Variants in PLA2R1 observed in about 807,000 individuals in gnomAD.
The protein encoded by PLA2R1 is phospholipase A2 receptor 1.
Under a neutral mutation model 195.9 loss-of-function variants are expected in PLA2R1, and 158 were observed. That is an observed-to-expected ratio of 0.81 (90% CI 0.71 to 0.92). PLA2R1 has a LOEUF of 0.92. Ranked by LOEUF, PLA2R1 falls within the 40% of genes least tolerant of loss-of-function variation. PLA2R1 has a pLI of 0.00. For missense variants in PLA2R1, 1,626 were observed against 1,764.6 expected (o/e 0.92, Z 1.41); for synonymous variants, 586 against 598.2 (o/e 0.98, Z 0.30).
At chr2:160,025,554 T>C (rs973494875) in intron 6 of PLA2R1, among the ~76,000 whole-genome samples, 1 of 138,812 alleles carries the variant, frequency 7.2e-6, no homozygotes, top group Non-Finnish European at 1.5e-5. Context: ...CCATTATAAC[T>C]ATGTTTTATG....
rs1326476806 is a variant in PLA2R1 at position 159,955,185 on chromosome 2, C to G, written c.3301+14G>C. On this transcript the variant is annotated intron_variant, in intron 23 of 29. Transcript: ENST00000283243. Reference sequence around the variant, plus strand: ...TTTGGAAATGAAAGGAATAAAAACCCAAATATTTCTTACCTTGCATTTTTT... The same window carrying G: ...TTTGGAAATGAAAGGAATAAAAACCGAAATATTTCTTACCTTGCATTTTTT... 5.0e-6 allele frequency: 8 copies of G among 1,591,548 alleles called. No homozygotes were observed. In the African/African-American group the frequency reaches 1.1e-4, roughly 22 times the overall value.
intron 1 of PLA2R1, among the ~76,000 whole-genome samples, chr2:160,052,924 C>A (rs1311743374): frequency 1.6e-5 from 2 of 124,446 alleles, no homozygotes; most frequent in East Asian, 6.7e-4. Context: ...TGTTAAAAAA[C>A]AAACAAAAAA....
chr2:160,015,983 A>G (rs2667041), intron 9 of PLA2R1, among the ~76,000 whole-genome samples: 110,304 of 152,154 alleles, frequency 0.72, 40,452 homozygotes, highest in East Asian at 0.87. Context: ...GAAAACCATA[A>G]GTCAGGCACA....
In PLA2R1 at chr2:160,028,401, G is replaced by A. The variant is rs1163973129; in HGVS notation, c.956-40C>T. On this transcript the variant is annotated intron_variant, in intron 5 of 29. Transcript: ENST00000283243. ...AGTGTCTTTAATATTAGAAGCAAAA[G>A]CAGTTAGTTTAATATATATTGAAAT... The A allele has an allele frequency of 2.0e-6, 3 of 1,478,938 alleles. No individual in the cohort carries two copies. The Admixed American group carries it at 5.3e-5, about 26-fold the overall frequency. 91.6% of individuals were successfully genotyped at this position (1,478,938 alleles called of 1,614,324 possible). A position where few individuals can be genotyped will look rare whatever the true frequency, so the allele number is the denominator to read the frequency against.
chr2:160,044,925 C>A lies in PLA2R1; in HGVS notation c.342G>T (p.Arg114=). The A allele has an allele frequency of 2.5e-6, 4 of 1,614,176 alleles. No individual in the cohort carries two copies. The highest frequency in any genetic ancestry group is 2.5e-6 in the Non-Finnish European group (3 of 1,180,028). ...TGATCATCTTCCTGTTACAGCGCCA[C>A]CGTAAGGAAACGAGGGTGGAGTCAC... ...YECDSTLVSL[R]WRCNRKMITG... is the part of the protein sequence containing the mutation. Residue 114 remains arginine (R), a synonymous_variant, in exon 2 of 30, where the codon CGG becomes CGT. Transcript: ENST00000283243.
At chr2:159,995,242 T>G (rs892919149) in intron 11 of PLA2R1, among the ~76,000 whole-genome samples, 1 of 152,116 alleles carries the variant, frequency 6.6e-6, no homozygotes, top group Non-Finnish European at 1.5e-5. Flanking sequence ...GACAATTTAC[T>G]CAGCGTCAAT....
At chr2:159,929,577 T>C (rs1018395332), downstream of PLA2R1, among the ~76,000 whole-genome samples, 2 of 152,174 alleles carry the variant, frequency 1.3e-5, no homozygotes, top group Non-Finnish European at 2.9e-5. Flanking sequence ...ACAACCACTA[T>C]GGAAAACAGT....
At chr2:159,950,119 G>A (rs1687646965) in intron 24 of PLA2R1, among the ~76,000 whole-genome samples, 1 of 152,082 alleles carries the variant, frequency 6.6e-6, no homozygotes, top group Non-Finnish European at 1.5e-5. Context: ...AAGAAAACCT[G>A]GTTAAATTTT....
At chr2:159,999,777 G>GA (rs1691469497) in intron 11 of PLA2R1, among the ~76,000 whole-genome samples, 2 of 152,108 alleles carry the variant, frequency 1.3e-5, no homozygotes, top group Admixed American at 1.3e-4. Context: ...AAAACACAGA[G>GA]AGAGACATCT....
At chr2:159,924,644 C>T in the PLA2R1 span, among the ~76,000 whole-genome samples, 1 of 140,016 alleles carries the variant, frequency 7.1e-6, no homozygotes, top group Non-Finnish European at 1.5e-5. Context: ...TTGCTGAATG[C>T]TTTGGGCACC....
intron 28 of PLA2R1, among the ~76,000 whole-genome samples, chr2:159,942,438 C>T (rs1195385798): frequency 6.6e-6 from 1 of 152,100 alleles, no homozygotes; most frequent in African/African-American, 2.4e-5. Flanking sequence ...TTGTAATCAT[C>T]GTTATTAGTG....
At chr2:160,041,036 G>A (rs1234480531) in intron 3 of PLA2R1, among the ~76,000 whole-genome samples, 1 of 152,162 alleles carries the variant, frequency 6.6e-6, no homozygotes, top group Non-Finnish European at 1.5e-5. Context: ...TTTCATTGTT[G>A]GGAGGAAGCA....
intron 7 of PLA2R1, among the ~76,000 whole-genome samples, chr2:160,021,338 C>T (rs1693100831): frequency 6.6e-6 from 1 of 152,140 alleles, no homozygotes; most frequent in Non-Finnish European, 1.5e-5. Flanking sequence ...ATGTTTATCA[C>T]AGCATTATTC....
chr2:160,047,315 A>G (rs1163828982), intron 1 of PLA2R1, among the ~76,000 whole-genome samples: 2 of 152,150 alleles, frequency 1.3e-5, no homozygotes, highest in African/African-American at 4.8e-5. Flanking sequence ...CACACCACAT[A>G]CTACCATGAA....
At chr2:160,004,820 T>A (rs1691864824) in intron 11 of PLA2R1, among the ~76,000 whole-genome samples, 1 of 152,200 alleles carries the variant, frequency 6.6e-6, no homozygotes. Context: ...TCTCTGGTAC[T>A]GACCAACCTG....
At chr2:160,000,908 A>T (rs762267731) in intron 11 of PLA2R1, among the ~76,000 whole-genome samples, 1 of 152,106 alleles carries the variant, frequency 6.6e-6, no homozygotes, top group Non-Finnish European at 1.5e-5. Context: ...ATTAACAAAC[A>T]TGGAGGAGAG....
At chr2:159,983,863 C>T (rs372328199) in intron 13 of PLA2R1, 65 bp downstream of exon 13, 2 of 874,226 alleles carry the variant, frequency 2.3e-6, no homozygotes, top group Non-Finnish European at 3.6e-6. Flanking sequence ...ATACTCACCC[C>T]TCAGAAGCCA....
chr2:159,956,671 C>A, intron 20 of PLA2R1, 44 bp from the exon 21 acceptor site: 1 of 1,138,844 alleles, frequency 8.8e-7, no homozygotes, highest in Non-Finnish European at 1.3e-6. Flanking sequence ...CTGTATCTTT[C>A]TAAGTGAATT....
chr2:159,987,350 C>G lies in PLA2R1; in HGVS notation c.1843G>C (p.Gly615Arg), dbSNP rs754350681. 1.2e-6 allele frequency: 2 copies of G among 1,610,236 alleles called. No homozygotes were observed. Among genetic ancestry groups the G allele is most frequent in the East Asian group, 2.2e-5 (1 of 44,770 alleles). ...CTTCCTCGCATGGCAACACAGCCAC[C>G]ACTGTAGCCTAAAAGCAGAAAACAA... is the stretch of plus-strand genomic sequence containing the variant. ...HWNTHQPRYS[G>R]GCVAMRGRHP... Residue 615 changes from glycine (G) to arginine (R), a missense_variant, in exon 12 of 30, where the codon GGT (glycine) becomes CGT (arginine). Physicochemically the swap from Gly to Arg is moderately radical, Grantham distance 125. Coordinates refer to ENST00000283243, the MANE Select transcript of PLA2R1 (RefSeq NM_007366.5).
Sources: gnomAD v4.1 joint callset for allele counts (sites outside exome capture counted in the v4.1 genomes callset) on GRCh38, gnomAD v4.1.1 for gene constraint, MANE v1.5 for transcripts, NCBI Gene and HGNC (gene_info 2026-07-23, HGNC 2026-07-21) for gene names.